PTPRN2: variants seen among roughly 807,000 people sequenced by gnomAD.
PTPRN2 encodes the protein protein tyrosine phosphatase receptor type N2.
In PTPRN2, 74 loss-of-function variants were observed where a neutral mutation model predicts 118.8. The ratio of observed to expected loss-of-function variants is 0.62; its 90% confidence interval spans 0.52 to 0.76. PTPRN2 has a LOEUF of 0.76. PTPRN2 is among the 30% of genes least tolerant of loss of function. The probability of loss-of-function intolerance (pLI) is 0.00; values close to 1 mark genes in which losing one functional copy is unlikely to be tolerated. For synonymous variants in PTPRN2, 641 were observed against 608.0 expected (o/e 1.05, Z -0.80); for missense variants, 1,481 against 1,394.4 (o/e 1.06, Z -0.99).
At chr7:158,098,735 T>C (rs1814894770) in intron 10 of PTPRN2, among the ~76,000 whole-genome samples, 1 of 151,972 alleles carries the variant, frequency 6.6e-6, no homozygotes, top group African/African-American at 2.4e-5. Context: ...GTTTATCTCG[T>C]GAACGCGGGA....
chr7:158,110,914 G>T lies in PTPRN2; in HGVS notation c.1558C>A (p.Pro520Thr), dbSNP rs754562816. The T allele has an allele frequency of 6.4e-7, 1 of 1,558,072 alleles. No homozygotes were observed. The highest frequency in any genetic ancestry group is 1.4e-5 in the African/African-American group (1 of 73,794). Residue 520 changes from proline to threonine, a missense_variant and splice_region_variant, in exon 10 of 23, where the codon CCC (proline) becomes ACC (threonine). By Grantham distance (38) the Pro-to-Thr change is conservative. Coordinates refer to ENST00000389418, the MANE Select transcript of PTPRN2 (RefSeq NM_002847.5). Reference sequence around the variant, plus strand: ...CGCCTTCCTTCCTCGGGGCGCAGGGGGCTGCGGATGACAGCAGGGATGGGG... The same window carrying T: ...CGCCTTCCTTCCTCGGGGCGCAGGGTGCTGCGGATGACAGCAGGGATGGGG... ...ARGYIVTDRD[P>T]LRPEEGRRLV...
chr7:158,149,154 CTCAG>C (rs1820608607), intron 6 of PTPRN2, among the ~76,000 whole-genome samples: 22 of 126,760 alleles, frequency 1.7e-4, no homozygotes, highest in Non-Finnish European at 2.7e-4. Flanking sequence ...GTCTTTCCCC[CTCAG>C]TGACACCCCA....
intron 12 of PTPRN2, among the ~76,000 whole-genome samples, chr7:157,768,728 C>A (rs1802629919): frequency 1.3e-5 from 2 of 152,234 alleles, no homozygotes; most frequent in Non-Finnish European, 2.9e-5. Context: ...ATATAAAAAA[C>A]ATTGATTTAT....
At chr7:158,293,563 A>C (rs7781460) in intron 3 of PTPRN2, among the ~76,000 whole-genome samples, 3,511 of 152,180 alleles carry the variant, frequency 0.023, 124 homozygotes, top group African/African-American at 0.079. Flanking sequence ...GTGACAGAGC[A>C]AGACTCTGTC....
At chr7:158,518,142 T>A (rs1177475521) in intron 1 of PTPRN2, among the ~76,000 whole-genome samples, 1 of 152,224 alleles carries the variant, frequency 6.6e-6, no homozygotes, top group Non-Finnish European at 1.5e-5. Context: ...TGCCATGGTG[T>A]CTATAAAATA....
At chr7:158,188,647 C>A (rs1428936063) in intron 5 of PTPRN2, among the ~76,000 whole-genome samples, 2 of 137,970 alleles carry the variant, frequency 1.4e-5, no homozygotes, top group African/African-American at 5.4e-5. Context: ...GCCACGCTCG[C>A]CCCCTGATGG....
chr7:157,640,601 A>G (rs952192159), intron 14 of PTPRN2, among the ~76,000 whole-genome samples: 3 of 152,236 alleles, frequency 2.0e-5, no homozygotes, highest in Admixed American at 6.5e-5. Flanking sequence ...GACAGGACAC[A>G]AGGAAACTCC....
rs1032215791 is a variant in PTPRN2 at position 157,964,250 on chromosome 7, G to C, written c.1724-65513C>G. Reference sequence around the variant, plus strand: ...GATGCTCCACACACCCACGTCTACAGAAACACTAGGCCAGACTGGGGTCCG... The same window carrying C: ...GATGCTCCACACACCCACGTCTACACAAACACTAGGCCAGACTGGGGTCCG... On this transcript the variant is annotated intron_variant, in intron 11 of 22. Transcript: ENST00000389418. The surrounding 1 kb of genome is among the most constrained non-coding windows in gnomAD (Gnocchi z 9.0). Among the ~76,000 whole-genome samples the C allele has an allele frequency of 1.3e-5, 2 of 152,106 alleles. No homozygotes were observed. The highest frequency in any genetic ancestry group is 4.8e-5 in the African/African-American group (2 of 41,414).
At chr7:157,708,755 G>T (rs568459945) in intron 12 of PTPRN2, among the ~76,000 whole-genome samples, 2 of 152,270 alleles carry the variant, frequency 1.3e-5, no homozygotes, top group South Asian at 4.2e-4. Context: ...AATGCTCTCC[G>T]TGAGACTTAC....
chr7:157,970,645 C>CCCCT (rs1554503333), intron 11 of PTPRN2, among the ~76,000 whole-genome samples: 5 of 150,770 alleles, frequency 3.3e-5, no homozygotes, highest in African/African-American at 1.2e-4. Context: ...GACCCCCCCC[C>CCCCT]CCACAGGTTG....
intron 2 of PTPRN2, among the ~76,000 whole-genome samples, chr7:158,357,145 C>G (rs1460217937): frequency 3.9e-5 from 6 of 152,210 alleles, no homozygotes; most frequent in Non-Finnish European, 7.3e-5. Context: ...GAAGAGGAAC[C>G]GGACGAATGA....
intron 3 of PTPRN2, among the ~76,000 whole-genome samples, chr7:158,237,884 C>T (rs952920170): frequency 1.3e-5 from 2 of 152,202 alleles, no homozygotes; most frequent in Non-Finnish European, 2.9e-5. Flanking sequence ...GAAGGACACC[C>T]TTCCCTCACG....
At chr7:158,404,314 C>T (rs532410440) in intron 2 of PTPRN2, among the ~76,000 whole-genome samples, 5 of 152,300 alleles carry the variant, frequency 3.3e-5, no homozygotes, top group East Asian at 1.9e-4. Context: ...GGAACACATG[C>T]GGACAGACTT....
chr7:158,118,456 CA>C (rs1341155210), intron 9 of PTPRN2, among the ~76,000 whole-genome samples: 1 of 151,954 alleles, frequency 6.6e-6, no homozygotes, highest in Non-Finnish European at 1.5e-5. Flanking sequence ...CTACTAAACA[CA>C]AAAGAAGATA....
At chr7:157,653,912 G>T (rs1315569638) in intron 14 of PTPRN2, among the ~76,000 whole-genome samples, 1 of 101,946 alleles carries the variant, frequency 9.8e-6, no homozygotes, top group Non-Finnish European at 1.9e-5. Context: ...CATGACGCCC[G>T]TCTCTCCCCA....
rs887445395 is a variant in PTPRN2 at position 157,801,005 on chromosome 7, A to G, written c.1788+97668T>C. 6.6e-6 allele frequency among the ~76,000 whole-genome samples: 1 copy of G among 151,034 alleles called. No individual in the cohort carries two copies. Among genetic ancestry groups the G allele is most frequent in the Admixed American group, 6.6e-5 (1 of 15,042 alleles). Reference sequence around the variant, plus strand: ...TATACACACACATATATATACACACATATACATATACACACACATATATAT... The same window carrying G: ...TATACACACACATATATATACACACGTATACATATACACACACATATATAT... On this transcript the variant is annotated intron_variant, in intron 12 of 22. Coordinates refer to ENST00000389418, the MANE Select transcript of PTPRN2 (RefSeq NM_002847.5). This position sits in a 1 kb window ranked among gnomAD's most constrained non-coding sequence, Gnocchi z 4.2.
At chr7:158,465,368 C>G (rs1003594209) in intron 2 of PTPRN2, among the ~76,000 whole-genome samples, 1 of 152,206 alleles carries the variant, frequency 6.6e-6, no homozygotes, top group African/African-American at 2.4e-5. Context: ...TACCACACCC[C>G]TTACTCCCTT....
intron 1 of PTPRN2, among the ~76,000 whole-genome samples, chr7:158,527,135 C>T (rs535938584): frequency 9.8e-5 from 15 of 152,310 alleles, no homozygotes; most frequent in Middle Eastern, 3.4e-3. Flanking sequence ...AGCATCCCTC[C>T]GAGGATCCCC....
chr7:158,047,721 G>T (rs1028060262), intron 11 of PTPRN2, among the ~76,000 whole-genome samples: 3 of 152,234 alleles, frequency 2.0e-5, no homozygotes, highest in Non-Finnish European at 4.4e-5. Context: ...AGGGACAGCT[G>T]CTGGGCACAG....
Sources: allele counts gnomAD v4.1 joint callset (sites outside exome capture counted in the v4.1 genomes callset), GRCh38; gene constraint gnomAD v4.1.1; non-coding constraint Gnocchi (gnomAD v3.1); transcripts MANE v1.5; gene names NCBI Gene and HGNC (gene_info 2026-07-23, HGNC 2026-07-21).